The following RORA variants were observed in gnomAD, a reference collection of about 807,000 sequenced individuals.
RORA encodes the protein RAR related orphan receptor A, also known as nuclear receptor ROR-alpha.
A neutral mutation model predicts 69.5 loss-of-function variants in RORA; 7 were observed. The observed-to-expected ratio is 0.10, with a 90% CI of 0.06 to 0.19. The LOEUF (loss-of-function observed/expected upper bound fraction) is 0.19, where lower values mean the gene tolerates loss of function less well. Ranked by LOEUF, RORA falls within the 10% of genes least tolerant of loss-of-function variation. The pLI is 1.00. For synonymous variants in RORA, 261 were observed against 240.8 expected (o/e 1.08, Z -0.78); for missense variants, 457 against 663.0 (o/e 0.69, Z 3.41).
At chr15:60,640,962 A>AT (rs2069933978) in intron 2 of RORA, among the ~76,000 whole-genome samples, 1 of 151,876 alleles carries the variant, frequency 6.6e-6, no homozygotes. Context: ...TCTTCTTTTA[A>AT]TTTTTTTTGA....
chr15:61,002,920 A>G (rs1400046366), intron 1 of RORA, among the ~76,000 whole-genome samples: 5 of 150,776 alleles, frequency 3.3e-5, no homozygotes, highest in Non-Finnish European at 1.5e-5. Flanking sequence ...TTACGAGGTC[A>G]GGAGTTCGAG....
chr15:61,114,904 T>G (rs1230219209), intron 1 of RORA, among the ~76,000 whole-genome samples: 3 of 152,216 alleles, frequency 2.0e-5, no homozygotes, highest in African/African-American at 4.8e-5. Flanking sequence ...AAATATTATG[T>G]AAACTCCCTC....
intron 1 of RORA, among the ~76,000 whole-genome samples, chr15:60,869,338 A>T (rs570941112): frequency 1.3e-5 from 2 of 152,316 alleles, no homozygotes; most frequent in African/African-American, 4.8e-5. Context: ...TGAAAATCCC[A>T]GGAGAGGCAT....
chr15:60,998,749 A>G (rs1009037915), intron 1 of RORA, among the ~76,000 whole-genome samples: 2 of 152,212 alleles, frequency 1.3e-5, no homozygotes, highest in African/African-American at 4.8e-5. Flanking sequence ...ACTATGTGAT[A>G]TTCTTGACAG....
chr15:60,783,278 G>A lies in RORA; in HGVS notation c.167-104592C>T, dbSNP rs2072289299. Among the ~76,000 whole-genome samples, 2 of 152,010 alleles carry A rather than the reference G, an allele frequency of 1.3e-5. 1 individual carries two copies. The highest frequency in any genetic ancestry group is 4.8e-5 in the African/African-American group (2 of 41,372). On this transcript the variant is annotated intron_variant, in intron 1 of 10. Coordinates refer to ENST00000335670, the MANE Select transcript of RORA (RefSeq NM_134261.3). ...AGAAATAAAGGCTTTTGTACAGACT[G>A]TACTAGGAGGCCCTTAAAACAGCTG...
In RORA at chr15:60,809,681, T is replaced by G. The variant is rs140059888; in HGVS notation, c.167-130995A>C. On this transcript the variant is annotated intron_variant, in intron 1 of 10. Transcript: ENST00000335670. ...TGCCAATTGCAATTTATCACAGTTT[T>G]GGTTGGATCAATATTCTGTGCTTCT... Among the ~76,000 whole-genome samples, 90 of 152,258 alleles carry G rather than the reference T, an allele frequency of 5.9e-4. No homozygotes were observed. In the East Asian group the frequency reaches 0.014, roughly 23 times the overall value.
chr15:60,755,205 A>G (rs541008916), intron 1 of RORA, among the ~76,000 whole-genome samples: 11 of 138,342 alleles, frequency 8.0e-5, no homozygotes, highest in African/African-American at 3.0e-4. Flanking sequence ...TCATTGTTCA[A>G]TTCCCACCTA....
chr15:61,039,744 CA>C (rs5813062), intron 1 of RORA, among the ~76,000 whole-genome samples: 392 of 82,610 alleles, frequency 4.7e-3, no homozygotes, highest in South Asian at 0.016. Flanking sequence ...GACTCTGTCT[CA>C]AAAAAAAAAA....
chr15:60,627,464 C>G, intron 2 of RORA: 7 of 1,573,574 alleles, frequency 4.4e-6, no homozygotes, highest in Non-Finnish European at 6.0e-6. Context: ...AGACAGATGG[C>G]TCCAACAGCT....
intron 2 of RORA, among the ~76,000 whole-genome samples, chr15:60,613,788 A>C: frequency 6.6e-6 from 1 of 151,158 alleles, no homozygotes. Context: ...AAGGTGTCAA[A>C]GGGAAAGACT....
chr15:60,628,346 A>C (rs1304662037), intron 2 of RORA, among the ~76,000 whole-genome samples: 1 of 152,138 alleles, frequency 6.6e-6, no homozygotes, highest in Non-Finnish European at 1.5e-5. Flanking sequence ...TCTCATGGTT[A>C]GACTGGGGTT....
In RORA at chr15:60,972,358, T is replaced by C. The variant is rs896639844; in HGVS notation, c.166+256695A>G. Among the ~76,000 whole-genome samples the C allele has an allele frequency of 3.3e-5, 5 of 152,104 alleles. No homozygotes were observed. In the East Asian group the frequency reaches 5.8e-4, roughly 18 times the overall value. ...TGCAGCTATGATATAAAAATACGCA[T>C]GTGTATGTGTGTAGCTCACGAAGCA... is the stretch of plus-strand genomic sequence containing the variant. On this transcript the variant is annotated intron_variant, in intron 1 of 10. Coordinates refer to ENST00000335670, the MANE Select transcript of RORA (RefSeq NM_134261.3).
intron 1 of RORA, among the ~76,000 whole-genome samples, chr15:60,946,443 T>A (rs112213430): frequency 0.026 from 3,887 of 152,292 alleles, 154 homozygotes; most frequent in African/African-American, 0.089. Context: ...GGTTTTCGTA[T>A]TTTTTTGGTG....
At chr15:60,655,940 C>T (rs1302041628) in intron 2 of RORA, among the ~76,000 whole-genome samples, 2 of 152,102 alleles carry the variant, frequency 1.3e-5, no homozygotes, top group Non-Finnish European at 2.9e-5. Context: ...AGGAATTTAA[C>T]ACTTAGTGAT....
intron 1 of RORA, among the ~76,000 whole-genome samples, chr15:61,063,527 C>A (rs984359734): frequency 2.2e-4 from 33 of 152,244 alleles, no homozygotes; most frequent in African/African-American, 7.7e-4. Context: ...GTATGATCAA[C>A]CAACAGTGCA....
At chr15:60,784,610 G>C (rs1382335270) in intron 1 of RORA, among the ~76,000 whole-genome samples, 1 of 152,186 alleles carries the variant, frequency 6.6e-6, no homozygotes, top group African/African-American at 2.4e-5. Context: ...TGAATCCATA[G>C]TTGGATGTAC....
intron 2 of RORA, chr15:60,592,595 C>G: frequency 2.5e-6 from 3 of 1,214,600 alleles, no homozygotes. Flanking sequence ...ACGGCCGCCG[C>G]TCTGTTTACA....
intron 1 of RORA, among the ~76,000 whole-genome samples, chr15:61,126,800 G>GC (rs1567001390): frequency 6.6e-6 from 1 of 152,164 alleles, no homozygotes; most frequent in Non-Finnish European, 1.5e-5. Flanking sequence ...CCTGCGATCA[G>GC]CCCACGCTCT....
Position 61,155,625 on chromosome 15 carries a change from T to C in RORA, c.166+73428A>G, listed in dbSNP as rs907794043. On this transcript the variant is annotated intron_variant, in intron 1 of 10. Coordinates refer to ENST00000335670, the MANE Select transcript of RORA (RefSeq NM_134261.3). ...TGGGCTATCAGGCAACAGAGACCGA[T>C]CAATGGGAAAGATTAAGCAAAATAA... Among the ~76,000 whole-genome samples the C allele has an allele frequency of 2.0e-5, 3 of 152,290 alleles. No homozygotes were observed. The East Asian group carries it at 5.8e-4, about 29-fold the overall frequency.
Sources: gnomAD v4.1 joint callset for allele counts (sites outside exome capture counted in the v4.1 genomes callset) on GRCh38, gnomAD v4.1.1 for gene constraint, MANE v1.5 for transcripts, NCBI Gene and HGNC (gene_info 2026-07-23, HGNC 2026-07-21) for gene names.